Variants in ATP6V1H observed in about 807,000 individuals in gnomAD.
ATP6V1H encodes V-type proton ATPase subunit H.
ATP6V1H carries 39 observed loss-of-function variants against 71.7 expected under a neutral mutation model. The observed-to-expected ratio is 0.54, with a 90% CI of 0.42 to 0.71. The LOEUF is 0.71. Among genes scored for constraint, ATP6V1H ranks in the 30% least tolerant of loss-of-function variants. The pLI is 0.00. For missense variants in ATP6V1H, 509 were observed against 594.9 expected (o/e 0.86, Z 1.50); for synonymous variants, 192 against 199.3 (o/e 0.96, Z 0.31).
intron 11 of ATP6V1H, among the ~76,000 whole-genome samples, chr8:53,758,060 C>T (rs2130262066): frequency 6.6e-6 from 1 of 152,314 alleles, no homozygotes; most frequent in Non-Finnish European, 1.5e-5. Context: ...CACTTTAGTT[C>T]TCTCTGCCTT....
chr8:53,778,123 A>G (rs1808958713), intron 9 of ATP6V1H, among the ~76,000 whole-genome samples: 1 of 152,182 alleles, frequency 6.6e-6, no homozygotes, highest in Admixed American at 6.5e-5. Context: ...TGACTCCAAA[A>G]TCACCTCTAA....
intron 4 of ATP6V1H, among the ~76,000 whole-genome samples, chr8:53,819,050 T>A (rs971344756): frequency 1.3e-5 from 2 of 148,634 alleles, no homozygotes; most frequent in African/African-American, 5.0e-5. Context: ...TACAAAAAAA[T>A]AAAAAATTAG....
At chr8:53,814,187 C>G (rs1175099877) in intron 6 of ATP6V1H, among the ~76,000 whole-genome samples, 1 of 152,076 alleles carries the variant, frequency 6.6e-6, no homozygotes, top group African/African-American at 2.4e-5. Context: ...AGAGAGCTCT[C>G]CAAAAACCAA....
chr8:53,717,947 G>T (rs1006839603), intron 13 of ATP6V1H, among the ~76,000 whole-genome samples: 1 of 152,130 alleles, frequency 6.6e-6, no homozygotes, highest in African/African-American at 2.4e-5. Flanking sequence ...GTAAGACGTG[G>T]TTCTCTCCCT....
chr8:53,775,893 G>A (rs1808861651), intron 9 of ATP6V1H, among the ~76,000 whole-genome samples: 1 of 152,266 alleles, frequency 6.6e-6, no homozygotes, highest in South Asian at 2.1e-4. Context: ...CCTGCGCCAT[G>A]CGCTCGCACT....
At chr8:53,736,115 T>C (rs1461469243) in intron 13 of ATP6V1H, among the ~76,000 whole-genome samples, 4 of 152,244 alleles carry the variant, frequency 2.6e-5, no homozygotes, top group African/African-American at 7.2e-5. Context: ...TGTTTTACTA[T>C]TGTTCTGTCA....
intron 6 of ATP6V1H, 61 bp from the exon 7 acceptor site, chr8:53,811,278 C>T: frequency 6.8e-7 from 1 of 1,473,334 alleles, no homozygotes; most frequent in Non-Finnish European, 9.5e-7. Context: ...AATGTATCAG[C>T]TTACAAAAGG....
intron 12 of ATP6V1H, among the ~76,000 whole-genome samples, chr8:53,744,574 G>A (rs1174805207): frequency 6.6e-6 from 1 of 152,198 alleles, no homozygotes; most frequent in East Asian, 1.9e-4. Flanking sequence ...ACAGTGTTTG[G>A]TGGTTTAAGA....
In ATP6V1H at chr8:53,801,720, A is replaced by G. The variant is rs530131000; in HGVS notation, c.677+79T>C. 11 of 1,137,712 alleles carry G rather than the reference A, an allele frequency of 9.7e-6. No homozygotes were observed. In the East Asian group the frequency reaches 2.8e-4, roughly 29 times the overall value. 70.5% of individuals were successfully genotyped at this position (1,137,712 alleles called of 1,614,324 possible). A position where few individuals can be genotyped will look rare whatever the true frequency, so the allele number is the denominator to read the frequency against. On this transcript the variant is annotated intron_variant, in intron 8 of 13. Coordinates refer to ENST00000359530, the MANE Select transcript of ATP6V1H (RefSeq NM_015941.4). ...GAAAAAAATAAAATATTTCTTTTAG[A>G]TGATTACATATTTCTTTGAAAATGT...
intron 11 of ATP6V1H, among the ~76,000 whole-genome samples, chr8:53,758,918 C>T (rs1808167577): frequency 6.6e-6 from 1 of 152,228 alleles, no homozygotes; most frequent in South Asian, 2.1e-4. Flanking sequence ...TATTTACTAC[C>T]TTGGTCTTTC....
At chr8:53,776,262 T>C (rs1267510474) in intron 9 of ATP6V1H, among the ~76,000 whole-genome samples, 1 of 151,982 alleles carries the variant, frequency 6.6e-6, no homozygotes, top group Non-Finnish European at 1.5e-5. Flanking sequence ...GCAGCCCTAG[T>C]TCCCGCTCGT....
rs1178321403 is a variant in ATP6V1H, at chr8:53,795,729, T to C, written c.788A>G (p.Tyr263Cys). The stretch of plus-strand genomic sequence containing the variant: ...ATCAGACAGAACTGGAATGATATTA[T>C]AGCGCCGCAGGTGTTCACACATTTG... ...SPQMCEHLRRYNIIPVLSDIL... is the reference protein window; with the variant it reads ...SPQMCEHLRRCNIIPVLSDIL... Residue 263 changes from tyrosine (Y) to cysteine (C), a missense_variant, in exon 9 of 14, where the codon TAT (tyrosine) becomes TGT (cysteine). By Grantham distance (194) the Tyr-to-Cys change is radical. Coordinates refer to ENST00000359530, the MANE Select transcript of ATP6V1H (RefSeq NM_015941.4). 4 of 1,614,002 alleles carry C rather than the reference T, an allele frequency of 2.5e-6. No homozygotes were observed. The highest frequency in any genetic ancestry group is 2.2e-5 in the South Asian group (2 of 91,084).
At position 53,784,009 on chromosome 8, in the gene ATP6V1H, G is replaced by A. The variant is rs560283980; in HGVS notation, c.870+11638C>T. ...GGTGTGGTGTGGTGCTGAAAAGAAA[G>A]TATATTCCGTTGATTTGGGGTACAG... On this transcript the variant is annotated intron_variant, in intron 9 of 13. Coordinates refer to ENST00000359530, the MANE Select transcript of ATP6V1H (RefSeq NM_015941.4). Among the ~76,000 whole-genome samples, 338 of 152,340 alleles carry A rather than the reference G, an allele frequency of 2.2e-3. 2 individuals are homozygous for A. Among genetic ancestry groups the A allele is most frequent in the African/African-American group, 7.9e-3 (327 of 41,566 alleles).
intron 2 of ATP6V1H, among the ~76,000 whole-genome samples, chr8:53,837,922 G>A (rs753198773): frequency 3.3e-5 from 5 of 152,098 alleles, no homozygotes; most frequent in Non-Finnish European, 5.9e-5. Context: ...GCTGGACATG[G>A]ACTGTGAGCA....
chr8:53,780,533 CTTTT>C (rs930999532), intron 9 of ATP6V1H, among the ~76,000 whole-genome samples: 4 of 150,944 alleles, frequency 2.6e-5, no homozygotes, highest in Non-Finnish European at 5.9e-5. Context: ...ATTTTTTTTT[CTTTT>C]TTTTAATTTT....
At chr8:53,759,973 A>G (rs1305197335) in intron 11 of ATP6V1H, among the ~76,000 whole-genome samples, 1 of 152,244 alleles carries the variant, frequency 6.6e-6, no homozygotes, top group African/African-American at 2.4e-5. Flanking sequence ...GATTTCATCC[A>G]GATCTATCTT....
intron 9 of ATP6V1H, among the ~76,000 whole-genome samples, chr8:53,776,377 A>C (rs1808891673): frequency 6.6e-6 from 1 of 152,346 alleles, no homozygotes; most frequent in South Asian, 2.1e-4. Flanking sequence ...GGGCTCCTCA[A>C]GTGCCGCCAA....
intron 2 of ATP6V1H, among the ~76,000 whole-genome samples, chr8:53,836,342 C>G (rs1014799033): frequency 6.6e-6 from 1 of 152,154 alleles, no homozygotes; most frequent in African/African-American, 2.4e-5. Flanking sequence ...ACTTGGTAAC[C>G]TTATAATTTT....
rs562543419 is a variant in ATP6V1H at position 53,765,527 on chromosome 8, A to AAAAG, written c.1175+4087_1175+4090dup. Among the ~76,000 whole-genome samples the AAAAG allele has an allele frequency of 1.2e-3, 180 of 151,658 alleles. 2 individuals carry two copies. The highest frequency in any genetic ancestry group is 3.9e-3 in the African/African-American group (161 of 41,276). ...AGACCATCAGCATTAGCACCAAAAA[A>AAAAG]AAAGAAAGAAAGAAAGAAAGAGAAA... On this transcript the variant is annotated intron_variant, in intron 11 of 13. Transcript: ENST00000359530.
Sources: allele counts gnomAD v4.1 joint callset (sites outside exome capture counted in the v4.1 genomes callset), GRCh38; gene constraint gnomAD v4.1.1; transcripts MANE v1.5; gene names NCBI Gene and HGNC (gene_info 2026-07-23, HGNC 2026-07-21).